KIAA0825: variants seen among roughly 807,000 people sequenced by gnomAD.
KIAA0825 encodes the protein KIAA0825, also known as uncharacterized protein KIAA0825.
Under a neutral mutation model 147.6 loss-of-function variants are expected in KIAA0825, and 119 were observed. The ratio of observed to expected loss-of-function variants is 0.81; its 90% CI spans 0.69 to 0.94. KIAA0825 has a LOEUF of 0.94. Among genes scored for constraint, KIAA0825 ranks in the 40% least tolerant of loss-of-function variants. The pLI, the probability that KIAA0825 is intolerant of heterozygous loss-of-function variation, is 0.00. For missense variants in KIAA0825, 1,381 were observed against 1,472.7 expected, an observed-to-expected ratio of 0.94 and a Z score of 1.02; for synonymous variants, 470 against 518.1, an observed-to-expected ratio of 0.91 and a Z score of 1.26.
chr5:94,395,560 G>C (rs986079824), intron 17 of KIAA0825, among the ~76,000 whole-genome samples: 4 of 152,052 alleles, frequency 2.6e-5, no homozygotes, highest in African/African-American at 7.2e-5. Flanking sequence ...CCATGAGAAG[G>C]CTGACATTTT....
intron 2 of KIAA0825, among the ~76,000 whole-genome samples, chr5:94,563,645 T>C (rs933429596): frequency 1.3e-5 from 2 of 152,212 alleles, no homozygotes; most frequent in Non-Finnish European, 2.9e-5. Context: ...TCTAAAACTT[T>C]CCAACTGTAA....
At chr5:94,414,396 CAT>C (rs905466221) in intron 15 of KIAA0825, 42 of 152,222 alleles carry the variant, frequency 2.8e-4, no homozygotes, top group African/African-American at 1.0e-3. Context: ...ACTTTGAAAA[CAT>C]AGGTGTCCAA....
Position 94,464,135 on chromosome 5 carries a change from AT to A in KIAA0825, c.2063+733del, listed in dbSNP as rs201558348. Reference sequence around the variant, plus strand: ...CCTCCTAAAATATATCTGAAAAAAGATTATTCTACCTAAAAGGTCTGAATCA... The same window carrying A: ...CCTCCTAAAATATATCTGAAAAAAGATATTCTACCTAAAAGGTCTGAATCA... On this transcript the variant is annotated intron_variant, in intron 11 of 20. Transcript: ENST00000682413. Among the ~76,000 whole-genome samples, 616 of 151,542 alleles carry A rather than the reference AT, an allele frequency of 4.1e-3. 2 individuals are homozygous for A. Among genetic ancestry groups the A allele is most frequent in the Non-Finnish European group, 6.3e-3 (430 of 67,792 alleles).
chr5:94,394,154 G>T (rs940892716), intron 17 of KIAA0825, among the ~76,000 whole-genome samples: 1 of 152,010 alleles, frequency 6.6e-6, no homozygotes, highest in African/African-American at 2.4e-5. Context: ...GCCCAGCCAA[G>T]AAACACTTAC....
At chr5:94,615,566 A>C (rs190616308) in intron 1 of KIAA0825, 56 of 152,326 alleles carry the variant, frequency 3.7e-4, no homozygotes, top group Admixed American at 3.1e-3. Flanking sequence ...TGCTGTAAGG[A>C]GTAATTTAAC....
chr5:94,277,148 T>C (rs1212653322), intron 20 of KIAA0825, among the ~76,000 whole-genome samples: 1 of 152,140 alleles, frequency 6.6e-6, no homozygotes, highest in Non-Finnish European at 1.5e-5. Flanking sequence ...CTCTGTTTTA[T>C]TTCTGATAAT....
At chr5:94,447,872 T>C (rs1484421200) in intron 13 of KIAA0825, among the ~76,000 whole-genome samples, 2 of 152,094 alleles carry the variant, frequency 1.3e-5, no homozygotes, top group Non-Finnish European at 2.9e-5. Context: ...CAAAGCATCA[T>C]GTTGTCACCA....
intron 6 of KIAA0825, among the ~76,000 whole-genome samples, chr5:94,478,451 TCACACACA>T (rs6149119): frequency 2.2e-4 from 32 of 146,144 alleles, no homozygotes; most frequent in African/African-American, 7.6e-4. Flanking sequence ...CACATGTGCA[TCACACACA>T]CACACACACA....
At chr5:94,371,461 G>A (rs1475265184) in intron 20 of KIAA0825, among the ~76,000 whole-genome samples, 1 of 152,162 alleles carries the variant, frequency 6.6e-6, no homozygotes, top group Non-Finnish European at 1.5e-5. Context: ...GGCTGGGGAG[G>A]CCTCAGGAAA....
chr5:94,592,554 C>A (rs914130213), intron 1 of KIAA0825, among the ~76,000 whole-genome samples: 4 of 152,088 alleles, frequency 2.6e-5, no homozygotes, highest in East Asian at 3.9e-4. Context: ...CCAGGAATAA[C>A]CCTGACTTCT....
At chr5:94,401,938 T>C (rs1009385077) in intron 16 of KIAA0825, among the ~76,000 whole-genome samples, 1 of 152,168 alleles carries the variant, frequency 6.6e-6, no homozygotes, top group African/African-American at 2.4e-5. Flanking sequence ...AATAAAATTT[T>C]AGAAGTGCCA....
Position 94,422,895 on chromosome 5 carries a change from C to T in KIAA0825, c.2498-5530G>A, listed in dbSNP as rs74358287. On this transcript the variant is annotated intron_variant, in intron 14 of 20. Coordinates refer to ENST00000682413, the MANE Select transcript of KIAA0825 (RefSeq NM_001145678.3). ...CACACCTGGACTCTTATATGTTCTT[C>T]CCATTAATGTGAGTCACACTTCTGG... Among the ~76,000 whole-genome samples the T allele has an allele frequency of 2.4e-4, 36 of 152,310 alleles. No individual in the cohort carries two copies. The East Asian group carries it at 6.8e-3, about 29-fold the overall frequency.
At chr5:94,386,607 C>A (rs1194010834) in intron 18 of KIAA0825, among the ~76,000 whole-genome samples, 1 of 152,112 alleles carries the variant, frequency 6.6e-6, no homozygotes, top group Non-Finnish European at 1.5e-5. Flanking sequence ...AACAGGTTTA[C>A]CTAATATTTA....
intron 20 of KIAA0825, among the ~76,000 whole-genome samples, chr5:94,285,460 C>A (rs1055307543): frequency 3.3e-5 from 5 of 152,060 alleles, no homozygotes; most frequent in African/African-American, 9.7e-5. Flanking sequence ...ATACATGATA[C>A]TGTCTCTACA....
At chr5:94,212,940 TC>T (rs1448049561) in intron 20 of KIAA0825, among the ~76,000 whole-genome samples, 1 of 152,140 alleles carries the variant, frequency 6.6e-6, no homozygotes, top group Non-Finnish European at 1.5e-5. Context: ...ATAATATGAA[TC>T]ATATTAATTA....
At chr5:94,501,674 T>A (rs1765106860) in intron 5 of KIAA0825, among the ~76,000 whole-genome samples, 1 of 152,250 alleles carries the variant, frequency 6.6e-6, no homozygotes, top group African/African-American at 2.4e-5. Context: ...TGAATCTATC[T>A]AGATATTCAT....
chr5:94,241,218 T>TA (rs1450623094), intron 20 of KIAA0825, among the ~76,000 whole-genome samples: 2 of 152,290 alleles, frequency 1.3e-5, no homozygotes, highest in African/African-American at 2.4e-5. Context: ...GGCCCTTCTA[T>TA]AAAAAAAGAA....
chr5:94,372,274 G>A (rs904457195), intron 20 of KIAA0825, among the ~76,000 whole-genome samples: 2 of 152,236 alleles, frequency 1.3e-5, no homozygotes, highest in Non-Finnish European at 2.9e-5. Context: ...GAGGATAGTG[G>A]CCCTCTTCTC....
intron 20 of KIAA0825, among the ~76,000 whole-genome samples, chr5:94,196,290 T>A (rs546987654): frequency 6.6e-6 from 1 of 152,218 alleles, no homozygotes; most frequent in East Asian, 1.9e-4. Flanking sequence ...CCATATAACC[T>A]TACAATGTAA....
Sources: gnomAD v4.1 joint callset for allele counts (sites outside exome capture counted in the v4.1 genomes callset) on GRCh38, gnomAD v4.1.1 for gene constraint, MANE v1.5 for transcripts, NCBI Gene and HGNC (gene_info 2026-07-23, HGNC 2026-07-21) for gene names.